PCDHGB2: variants seen among roughly 807,000 people sequenced by gnomAD.
PCDHGB2 encodes protocadherin gamma-B2.
In PCDHGB2, 55 loss-of-function variants were observed where a neutral mutation model predicts 59.3. That is an observed-to-expected ratio of 0.93 (90% confidence interval 0.75 to 1.16). The LOEUF is 1.16. PCDHGB2 is among the 50% of genes most tolerant of loss of function. The probability of loss-of-function intolerance (pLI) is 0.00; values close to 1 mark genes in which losing one functional copy is unlikely to be tolerated. For missense variants in PCDHGB2, 1,228 were observed against 1,198.5 expected, an observed-to-expected ratio of 1.02 and a Z score of -0.36; for synonymous variants, 516 against 512.0, an observed-to-expected ratio of 1.01 and a Z score of -0.11.
Position 141,360,796 on chromosome 5 carries a change from C to T in PCDHGB2, c.661C>T (p.Pro221Ser), listed in dbSNP as rs1267139317. Residue 221 changes from proline (P) to serine (S), a missense_variant, in exon 1 of 4, where the codon CCT (proline) becomes TCT (serine). Physicochemically the swap from Pro to Ser is moderately conservative, Grantham distance 74. Around this residue, in one of 3 missense-constraint regions of PCDHGB2, gnomAD observed 781 missense variants for 721.6 expected, o/e 1.08. Transcript: ENST00000522605. ...CACAGCTGTGGATGGCGGAGACCCA[C>T]CTCAAAGTGGCACGACCCAAATCCG... Reference protein sequence around the residue: ...VLTAVDGGDPPQSGTTQIRIK... With the variant: ...VLTAVDGGDPSQSGTTQIRIK... 1 of 1,613,950 alleles carries T rather than the reference C, an allele frequency of 6.2e-7. No homozygotes were observed. Among genetic ancestry groups the T allele is most frequent in the Admixed American group, 1.7e-5 (1 of 60,032 alleles).
chr5:141,374,510 C>T (rs760895208), intron 1 of PCDHGB2: 2 of 1,611,824 alleles, frequency 1.2e-6, no homozygotes, highest in East Asian at 2.2e-5. Context: ...AGTGAAAATT[C>T]TCGAAAACGC....
chr5:141,494,882 C>T lies in PCDHGB2; in HGVS notation c.2480+17C>T, dbSNP rs771484301. On this transcript the variant is annotated intron_variant, in intron 2 of 3. Transcript: ENST00000522605. ...CACCAGCGGGTAGGTGACTGATTCT[C>T]CAGCCCACCCTCTTCTCTGCGGCAT... is the stretch of plus-strand genomic sequence containing the variant. 35 of 1,614,128 alleles carry T rather than the reference C, an allele frequency of 2.2e-5. No homozygotes were observed. The highest frequency in any genetic ancestry group is 3.3e-4 in the Middle Eastern group (2 of 6,060).
At chr5:141,492,241 C>G (rs1351937353) in intron 1 of PCDHGB2, among the ~76,000 whole-genome samples, 2 of 152,186 alleles carry the variant, frequency 1.3e-5, no homozygotes, top group East Asian at 3.9e-4. Context: ...TGCTGGCCAC[C>G]CCCACGGCCC....
chr5:141,512,712 A>G lies in PCDHGB2; in HGVS notation c.*1539A>G, dbSNP rs1362654237. 1 of 152,806 alleles carries G rather than the reference A, an allele frequency of 6.5e-6. No homozygotes were observed. The highest frequency in any genetic ancestry group is 2.4e-5 in the African/African-American group (1 of 41,414). 9.5% of individuals were successfully genotyped at this position (152,806 alleles called of 1,614,324 possible). On this transcript the variant is annotated 3_prime_UTR_variant, in exon 4 of 4. Coordinates refer to ENST00000522605, the MANE Select transcript of PCDHGB2 (RefSeq NM_018923.3). Reference sequence around the variant, plus strand: ...GTGTAGTGCGGTGTGCTTTTACGTGATGGCGGGTGGGCAGCGGGCGGCGGG... The same window carrying G: ...GTGTAGTGCGGTGTGCTTTTACGTGGTGGCGGGTGGGCAGCGGGCGGCGGG...
chr5:141,422,901 C>T (rs768086403), intron 1 of PCDHGB2: 5 of 1,614,276 alleles, frequency 3.1e-6, no homozygotes, highest in Non-Finnish European at 4.2e-6. Context: ...ACCAGAACGA[C>T]AATGCGCCCG....
At position 141,414,131 on chromosome 5, in the gene PCDHGB2, A is replaced by G. The variant is rs977911874; in HGVS notation, c.2421+51575A>G. 1.9e-6 allele frequency: 3 copies of G among 1,594,622 alleles called. No homozygotes were observed. The highest frequency in any genetic ancestry group is 2.7e-5 in the African/African-American group (2 of 74,402). The stretch of plus-strand genomic sequence containing the variant: ...CTAGATTATGAAGAAACCGGTTTCT[A>G]TGAAATAGAAATACAAGCAGAAGAT... On this transcript the variant is annotated intron_variant, in intron 1 of 3. Transcript: ENST00000522605.
chr5:141,404,579 A>G (rs1390358900), intron 1 of PCDHGB2: 1 of 1,614,002 alleles, frequency 6.2e-7, no homozygotes, highest in Non-Finnish European at 8.5e-7. Flanking sequence ...CCCACCACTT[A>G]GCAGCAATGT....
Position 141,490,672 on chromosome 5 carries a change from G to T in PCDHGB2, c.2422-4135G>T. The T allele has an allele frequency of 6.2e-7, 1 of 1,614,114 alleles. No homozygotes were observed. Among genetic ancestry groups the T allele is most frequent in the Non-Finnish European group, 8.5e-7 (1 of 1,179,996 alleles). ...GGGCTCCCTTCTTTGCACTGTGGCT[G>T]CCTCAGATCCAGACACTGGGGATAA... On this transcript the variant is annotated intron_variant, in intron 1 of 3. Coordinates refer to ENST00000522605, the MANE Select transcript of PCDHGB2 (RefSeq NM_018923.3). The surrounding 1 kb of genome is among the most constrained non-coding windows in gnomAD (Gnocchi z 5.4).
At chr5:141,404,000 A>G (rs758512396) in intron 1 of PCDHGB2, 1 of 1,613,956 alleles carries the variant, frequency 6.2e-7, no homozygotes. Flanking sequence ...AGTGACCATT[A>G]CATCTCTGTT....
At chr5:141,452,948 G>A (rs2098752873) in intron 1 of PCDHGB2, among the ~76,000 whole-genome samples, 1 of 152,134 alleles carries the variant, frequency 6.6e-6, no homozygotes, top group African/African-American at 2.4e-5. Context: ...CTTGCAATTG[G>A]TTGTCTTTAA....
chr5:141,404,171 G>A (rs532466154), intron 1 of PCDHGB2: 1 of 1,612,734 alleles, frequency 6.2e-7, no homozygotes, highest in South Asian at 1.1e-5. Flanking sequence ...ATTGTTGACG[G>A]CCCAAATTCT....
chr5:141,372,334 G>A (rs757971401), intron 1 of PCDHGB2: 3 of 1,613,766 alleles, frequency 1.9e-6, no homozygotes, highest in Admixed American at 1.7e-5. Context: ...GTCACTGTGC[G>A]TGATGGAGGA....
Position 141,405,346 on chromosome 5 carries a change from G to T in PCDHGB2, c.2421+42790G>T, listed in dbSNP as rs184640789. 60 of 1,614,108 alleles carry T rather than the reference G, an allele frequency of 3.7e-5. No individual in the cohort carries two copies. The East Asian group carries it at 1.3e-3, about 35-fold the overall frequency. The stretch of plus-strand genomic sequence containing the variant: ...CTTTGTGCGTCTCTGTTGATTCCAA[G>T]TTTCCTATAGAAGACACCCCTTTGG... On this transcript the variant is annotated intron_variant, in intron 1 of 3. Transcript: ENST00000522605.
intron 1 of PCDHGB2, chr5:141,399,525 C>G: frequency 6.2e-7 from 1 of 1,614,058 alleles, no homozygotes; most frequent in Non-Finnish European, 8.5e-7. Flanking sequence ...CTGGGGCCTC[C>G]ATCGCGCAAG....
At chr5:141,409,614 T>C in intron 1 of PCDHGB2, 1 of 1,613,880 alleles carries the variant, frequency 6.2e-7, no homozygotes, top group Non-Finnish European at 8.5e-7. Flanking sequence ...GGAGCCTCCA[T>C]TGCGCAAGTG....
At chr5:141,364,626 G>A (rs1188040280) in intron 1 of PCDHGB2, 1 of 1,614,162 alleles carries the variant, frequency 6.2e-7, no homozygotes, top group East Asian at 2.2e-5. Flanking sequence ...TGCGCTCAGA[G>A]CCCACTGTGT....
At chr5:141,372,589 G>A in intron 1 of PCDHGB2, 1 of 1,614,030 alleles carries the variant, frequency 6.2e-7, no homozygotes, top group Non-Finnish European at 8.5e-7. Context: ...CCTGGTGTCT[G>A]CTTCAAGACT....
At position 141,360,942 on chromosome 5, in the gene PCDHGB2, G is replaced by A. The variant is rs778562389; in HGVS notation, c.807G>A (p.Arg269=). 11 of 1,613,828 alleles carry A rather than the reference G, an allele frequency of 6.8e-6. No homozygotes were observed. Among genetic ancestry groups the A allele is most frequent in the Non-Finnish European group, 9.3e-6 (11 of 1,179,898 alleles). The change falls in exon 1 of 4, where the codon CGG becomes CGA. Residue 269 remains arginine (R), a synonymous_variant. Transcript: ENST00000522605. Reference sequence around the variant, plus strand: ...TGCTTCAAGTGACAGCCACCGACCGGGATGAAGGCATAAACGCAGAGATCA... The same window carrying A: ...TGCTTCAAGTGACAGCCACCGACCGAGATGAAGGCATAAACGCAGAGATCA... The part of the protein sequence containing the change: ...FFVLQVTATD[R]DEGINAEITY...
At chr5:141,464,430 T>C (rs1213919443) in intron 1 of PCDHGB2, among the ~76,000 whole-genome samples, 1 of 151,680 alleles carries the variant, frequency 6.6e-6, no homozygotes, top group Non-Finnish European at 1.5e-5. Flanking sequence ...TATATAGATA[T>C]ATATGTTTGT....
Sources: allele counts gnomAD v4.1 joint callset (sites outside exome capture counted in the v4.1 genomes callset), GRCh38; gene constraint gnomAD v4.1.1; regional missense constraint gnomAD v4.1.1; non-coding constraint Gnocchi (gnomAD v3.1); transcripts MANE v1.5; gene names NCBI Gene and HGNC (gene_info 2026-07-23, HGNC 2026-07-21).